ZER1: variants seen among roughly 807,000 people sequenced by gnomAD.
The protein encoded by ZER1 is zyg-11 related cell cycle regulator.
In ZER1, 11 loss-of-function variants were observed where a neutral mutation model predicts 78.8. That is an observed-to-expected ratio of 0.14 (90% confidence interval 0.09 to 0.23). The LOEUF is 0.23. ZER1 is among the 10% of genes least tolerant of loss of function. ZER1 has a pLI of 1.00. For missense variants in ZER1, 588 were observed against 996.9 expected, an observed-to-expected ratio of 0.59 and a Z score of 5.52; for synonymous variants, 400 against 407.0, an observed-to-expected ratio of 0.98 and a Z score of 0.21.
At chr9:128,756,611 ATTATG>A (rs1045917098) in intron 1 of ZER1, among the ~76,000 whole-genome samples, 4 of 152,346 alleles carry the variant, frequency 2.6e-5, no homozygotes, top group East Asian at 1.9e-4. Flanking sequence ...CCTTGAAAAC[ATTATG>A]TTGAGTGAAA....
At position 128,771,644 on chromosome 9, in the gene ZER1, G is replaced by A. The variant is rs935086809; in HGVS notation, c.-158C>T. ...GATGCTTCGCAGGCGAGGAGGAGCA[G>A]AGAATGCAGCCCGGGAGAATCCGGG... On this transcript the variant is annotated 5_prime_UTR_variant, in exon 1 of 16. Transcript: ENST00000291900. The A allele has an allele frequency of 6.6e-6, 1 of 152,646 alleles. No individual in the cohort carries two copies. The highest frequency in any genetic ancestry group is 1.5e-5 in the Non-Finnish European group (1 of 68,416). 9.5% of individuals were successfully genotyped at this position (152,646 alleles called of 1,614,324 possible).
rs1863250081 is a variant in ZER1, at chr9:128,740,435, C to T, written c.1854-316G>A. ...TCTACTAAAAATACAAAAAAATTAG[C>T]TGGGCGTGGTGGCAGGCGCCTGTAG... On this transcript the variant is annotated intron_variant, in intron 12 of 15. Coordinates refer to ENST00000291900, the MANE Select transcript of ZER1 (RefSeq NM_006336.4). This position sits in a 1 kb window ranked among gnomAD's most constrained non-coding sequence, Gnocchi z 4.4. Among the ~76,000 whole-genome samples the T allele has an allele frequency of 6.6e-6, 1 of 152,110 alleles. No homozygotes were observed. Among genetic ancestry groups the T allele is most frequent in the South Asian group, 2.1e-4 (1 of 4,818 alleles).
At chr9:128,767,132 AG>A (rs1864238685) in intron 1 of ZER1, among the ~76,000 whole-genome samples, 1 of 122,830 alleles carries the variant, frequency 8.1e-6, no homozygotes, top group South Asian at 3.0e-4. Flanking sequence ...TAGTAGAGAC[AG>A]GGTTTTGCCA....
intron 8 of ZER1, among the ~76,000 whole-genome samples, chr9:128,749,072 A>C (rs1863592185): frequency 6.7e-6 from 1 of 149,154 alleles, no homozygotes; most frequent in South Asian, 2.2e-4. Flanking sequence ...TCACGCCTGT[A>C]ATCCCAGCAC....
At chr9:128,744,217 T>C (rs1863407814) in intron 8 of ZER1, among the ~76,000 whole-genome samples, 1 of 151,060 alleles carries the variant, frequency 6.6e-6, no homozygotes, top group Non-Finnish European at 1.5e-5. Context: ...AGATGGAGTC[T>C]CGCTCTGTTG....
chr9:128,758,999 A>AT lies in ZER1; in HGVS notation c.-94-3341dup, dbSNP rs764467201. Among the ~76,000 whole-genome samples the AT allele has an allele frequency of 1.4e-3, 199 of 139,804 alleles. 1 individual carries two copies. Among genetic ancestry groups the AT allele is most frequent in the African/African-American group, 1.9e-3 (73 of 38,108 alleles). 91.7% of individuals were successfully genotyped at this position (139,804 alleles called of 152,430 possible). A position where few individuals can be genotyped will look rare whatever the true frequency, so the allele number is the denominator to read the frequency against. On this transcript the variant is annotated intron_variant, in intron 1 of 15. Transcript: ENST00000291900. The stretch of plus-strand genomic sequence containing the variant: ...ATGATGTGTGTACTTTTTCAAGTGA[A>AT]TTTTTTTTTTTTTTTTTAGACTGAG...
At chr9:128,750,923 A>C in intron 7 of ZER1, 134 bp from the exon 8 acceptor site, 1 of 1,415,730 alleles carries the variant, frequency 7.1e-7, no homozygotes, top group Non-Finnish European at 9.6e-7. Context: ...GGGCCTGGGG[A>C]GCAGACACCA....
At chr9:128,762,799 C>T (rs1417255523) in intron 1 of ZER1, among the ~76,000 whole-genome samples, 2 of 152,202 alleles carry the variant, frequency 1.3e-5, no homozygotes, top group Non-Finnish European at 2.9e-5. Flanking sequence ...GCACAAAAGC[C>T]AGGATGCCTG....
At chr9:128,772,024 GGGGACCGGCGGGCGGCTCCTTTCCCC>G (rs1176049204), upstream of ZER1, 4 of 152,214 alleles carry the variant, frequency 2.6e-5, no homozygotes, top group African/African-American at 4.8e-5. Context: ...AGAAGGTTCC[GGGGACCGGCGGGCGGCTCCTTTCCCC>G]GGGCCCGGCA....
Position 128,750,672 on chromosome 9 carries a change from G to A in ZER1, c.1303C>T (p.Arg435Cys), listed in dbSNP as rs753016150. The A allele has an allele frequency of 1.9e-6, 3 of 1,614,222 alleles. No homozygotes were observed. Among genetic ancestry groups the A allele is most frequent in the Admixed American group, 1.7e-5 (1 of 60,030 alleles). ...EYRSEQSVKL[R>C]RQVIQVVLNG... ...AGCACCACCTGGATAACCTGCCGGCGCAGCTTCACACTCTGCTCTGAGCGG... is the reference window on the plus strand; with the variant it reads ...AGCACCACCTGGATAACCTGCCGGCACAGCTTCACACTCTGCTCTGAGCGG... The change falls in exon 8 of 16, where the codon CGC (arginine) becomes TGC (cysteine). Residue 435 changes from arginine (R) to cysteine (C), a missense_variant. Coordinates refer to ENST00000291900, the MANE Select transcript of ZER1 (RefSeq NM_006336.4).
chr9:128,766,351 A>C (rs2132490040), intron 1 of ZER1, among the ~76,000 whole-genome samples: 1 of 151,500 alleles, frequency 6.6e-6, no homozygotes, highest in South Asian at 2.1e-4. Context: ...CCATCTCAAA[A>C]AAAAAAAAAA....
At chr9:128,742,811 CTA>C in intron 8 of ZER1, 66 bp from the exon 9 acceptor site, 1 of 1,486,676 alleles carries the variant, frequency 6.7e-7, no homozygotes, top group Admixed American at 2.0e-5. Context: ...GCTCTAGGAA[CTA>C]TCTAGAGGTA....
At position 128,740,708 on chromosome 9, in the gene ZER1, A is replaced by G; in HGVS notation, c.1853+64T>C. The G allele has an allele frequency of 2.0e-5, 15 of 750,366 alleles. No homozygotes were observed. The highest frequency in any genetic ancestry group is 3.7e-5 in the Non-Finnish European group (15 of 401,926). 46.5% of individuals were successfully genotyped at this position (750,366 alleles called of 1,614,324 possible). ...GCTAAGAGCAGTTGTGCAACTGAGC[A>G]AACGCTAGAGCTCTGAGCATTGTGG... is the stretch of plus-strand genomic sequence containing the variant. On this transcript the variant is annotated intron_variant, in intron 12 of 15. Transcript: ENST00000291900. This position sits in a 1 kb window ranked among gnomAD's most constrained non-coding sequence, Gnocchi z 4.4.
In ZER1 at chr9:128,771,562, C is replaced by G. The variant is rs1864385194; in HGVS notation, c.-95+19G>C. On this transcript the variant is annotated intron_variant, in intron 1 of 15. Transcript: ENST00000291900. Reference sequence around the variant, plus strand: ...AGGAGGACGCAGGTACGTCCCTTGGCCCGGGGTCCGGGACCTACCCTGGAC... The same window carrying G: ...AGGAGGACGCAGGTACGTCCCTTGGGCCGGGGTCCGGGACCTACCCTGGAC... 1 of 152,440 alleles carries G rather than the reference C, an allele frequency of 6.6e-6. No individual in the cohort carries two copies. The highest frequency in any genetic ancestry group is 2.4e-5 in the African/African-American group (1 of 41,486). 9.4% of individuals were successfully genotyped at this position (152,440 alleles called of 1,614,324 possible).
At position 128,741,538 on chromosome 9, in the gene ZER1, C is replaced by T. The variant is rs1372993147; in HGVS notation, c.1734G>A (p.Leu578=). 2 of 1,613,996 alleles carry T rather than the reference C, an allele frequency of 1.2e-6. No individual in the cohort carries two copies. The highest frequency in any genetic ancestry group is 1.3e-5 in the African/African-American group (1 of 74,928). ...TGCTGCAGGAGGTGGACACTACCTT[C>T]AGGCAGTCCAGGAAGAGCTTCATGC... ...FNGMKLFLDC[L]KEFPEKQELH... The change falls in exon 11 of 16, where the codon CTG becomes CTA. Residue 578 remains leucine, a synonymous_variant. Coordinates refer to ENST00000291900, the MANE Select transcript of ZER1 (RefSeq NM_006336.4).
intron 1 of ZER1, among the ~76,000 whole-genome samples, chr9:128,757,426 G>A (rs1001511487): frequency 6.6e-6 from 1 of 152,024 alleles, no homozygotes; most frequent in African/African-American, 2.4e-5. Context: ...GGAGGCTGAG[G>A]TGGGAGGATC....
At chr9:128,761,436 G>C (rs892638251) in intron 1 of ZER1, among the ~76,000 whole-genome samples, 37 of 151,648 alleles carry the variant, frequency 2.4e-4, no homozygotes, top group Admixed American at 2.0e-4. Flanking sequence ...ACAGGCACCT[G>C]CCCCTACACC....
At position 128,740,630 on chromosome 9, in the gene ZER1, A is replaced by C. The variant is rs941646068; in HGVS notation, c.1853+142T>G. 2.4e-5 allele frequency: 14 copies of C among 588,032 alleles called. No homozygotes were observed. Among genetic ancestry groups the C allele is most frequent in the African/African-American group, 1.3e-4 (7 of 53,690 alleles). The allele number at this position is 588,032 out of a possible 1,614,324, so 36.4% of individuals were successfully genotyped here. A position where few individuals can be genotyped will look rare whatever the true frequency, so the allele number is the denominator to read the frequency against. ...CAAAAGGACCACTTACGAAGGATTGAATGAATAAGAAACCACATTATCGAG... is the reference window on the plus strand; with the variant it reads ...CAAAAGGACCACTTACGAAGGATTGCATGAATAAGAAACCACATTATCGAG... On this transcript the variant is annotated intron_variant, in intron 12 of 15. Coordinates refer to ENST00000291900, the MANE Select transcript of ZER1 (RefSeq NM_006336.4). This position sits in a 1 kb window ranked among gnomAD's most constrained non-coding sequence, Gnocchi z 4.4.
rs1589532835 is a variant in ZER1 at position 128,751,521 on chromosome 9, C to T, written c.930G>A (p.Glu310=). ...AAGGTATGATGCTGCTCTTGGAAGG[C>T]TCAATGCTGGGGAAAGAGGGTGCCG... ...MEEEAGQTSI[E]PSKSSIIPFR... The change falls in exon 6 of 16, where the codon GAG becomes GAA. Residue 310 remains glutamate, a synonymous_variant. Transcript: ENST00000291900. This position sits in a 1 kb window ranked among gnomAD's most constrained non-coding sequence, Gnocchi z 5.4. 6.2e-7 allele frequency: 1 copy of T among 1,613,122 alleles called. No homozygotes were observed. The highest frequency in any genetic ancestry group is 8.5e-7 in the Non-Finnish European group (1 of 1,179,996).
Sources: gnomAD v4.1 joint callset for allele counts (sites outside exome capture counted in the v4.1 genomes callset) on GRCh38, gnomAD v4.1.1 for gene constraint, Gnocchi (gnomAD v3.1) non-coding constraint, MANE v1.5 for transcripts, NCBI Gene and HGNC (gene_info 2026-07-23, HGNC 2026-07-21) for gene names.